The following DNAJC6 variants were observed in gnomAD, a reference collection of about 807,000 sequenced individuals.
DNAJC6 encodes auxilin.
DNAJC6 carries 34 observed loss-of-function variants against 110.0 expected under a neutral mutation model. The observed-to-expected ratio is 0.31, with a 90% CI of 0.24 to 0.41. The LOEUF is 0.41. DNAJC6 is among the 10% of genes least tolerant of loss of function. The pLI, the probability that DNAJC6 is intolerant of heterozygous loss-of-function variation, is 1.00. For missense variants in DNAJC6, 1,031 were observed against 1,207.8 expected, an observed-to-expected ratio of 0.85 and a Z score of 2.17; for synonymous variants, 406 against 437.2, an observed-to-expected ratio of 0.93 and a Z score of 0.89.
intron 4 of DNAJC6, among the ~76,000 whole-genome samples, chr1:65,367,149 GTCTCA>G (rs1484264856): frequency 6.6e-6 from 1 of 152,134 alleles, no homozygotes; most frequent in Non-Finnish European, 1.5e-5. Flanking sequence ...TCTGAGAACA[GTCTCA>G]AATTTTGGTG....
At position 65,328,205 on chromosome 1, in the gene DNAJC6, A is replaced by G. The variant is rs564050510; in HGVS notation, c.193+18267A>G. ...GGAACTATCAAAATATTACAAAACA[A>G]TATTTGGGTAGTAGATATCAGTAAT... On this transcript the variant is annotated intron_variant, in intron 1 of 18. Coordinates refer to ENST00000371069, the MANE Select transcript of DNAJC6 (RefSeq NM_001256864.2). Among the ~76,000 whole-genome samples, 14 of 152,300 alleles carry G rather than the reference A, an allele frequency of 9.2e-5. No individual in the cohort carries two copies. In the South Asian group the frequency reaches 2.9e-3, roughly 32 times the overall value.
intron 1 of DNAJC6, among the ~76,000 whole-genome samples, chr1:65,275,160 C>G (rs1653628196): frequency 6.6e-6 from 1 of 152,102 alleles, no homozygotes; most frequent in Admixed American, 6.5e-5. Context: ...CATATTTACC[C>G]TATTCATTGC....
intron 1 of DNAJC6, among the ~76,000 whole-genome samples, chr1:65,357,193 G>A (rs1645551953): frequency 6.6e-6 from 1 of 152,098 alleles, no homozygotes; most frequent in Non-Finnish European, 1.5e-5. Flanking sequence ...TAGAAGCCAG[G>A]ACAAGACATT....
chr1:65,336,999 T>TTTGTTG (rs372742654), intron 1 of DNAJC6, among the ~76,000 whole-genome samples: 4 of 151,750 alleles, frequency 2.6e-5, no homozygotes, highest in African/African-American at 4.8e-5. Context: ...CTGTGTAATT[T>TTTGTTG]TTGTTGTTGT....
intron 13 of DNAJC6, among the ~76,000 whole-genome samples, chr1:65,397,737 TG>T (rs1312069618): frequency 6.6e-6 from 1 of 152,174 alleles, no homozygotes; most frequent in African/African-American, 2.4e-5. Context: ...CTCAGTGGAA[TG>T]GGTTACTGTG....
chr1:65,315,654 C>G (rs1645142391), intron 1 of DNAJC6, among the ~76,000 whole-genome samples: 1 of 152,086 alleles, frequency 6.6e-6, no homozygotes, highest in Non-Finnish European at 1.5e-5. Flanking sequence ...AGGGATTATG[C>G]TAAACACTGC....
intron 4 of DNAJC6, among the ~76,000 whole-genome samples, chr1:65,369,266 C>G (rs1309204460): frequency 2.6e-5 from 4 of 152,124 alleles, no homozygotes; most frequent in Non-Finnish European, 4.4e-5. Context: ...GGAGGCAGTC[C>G]CAAAGCCGTA....
intron 1 of DNAJC6, among the ~76,000 whole-genome samples, chr1:65,273,325 G>A (rs904262851): frequency 1.3e-5 from 2 of 152,116 alleles, no homozygotes; most frequent in African/African-American, 2.4e-5. Context: ...CCGGCCAGGC[G>A]TGGTGGCTCA....
intron 5 of DNAJC6, 157 bp downstream of exon 5, chr1:65,379,681 G>A (rs1464652475): frequency 1.8e-6 from 2 of 1,111,882 alleles, no homozygotes; most frequent in African/African-American, 3.2e-5. Flanking sequence ...ATAAGAAAGG[G>A]ATTTATTATT....
chr1:65,279,735 T>C (rs1653785323), intron 1 of DNAJC6: 1 of 152,230 alleles, frequency 6.6e-6, no homozygotes, highest in African/African-American at 2.4e-5. Flanking sequence ...GTTCTGCTCC[T>C]CTTTCCAGTA....
At chr1:65,391,453 T>C (rs1645924644) in intron 11 of DNAJC6, among the ~76,000 whole-genome samples, 1 of 152,164 alleles carries the variant, frequency 6.6e-6, no homozygotes, top group Non-Finnish European at 1.5e-5. Flanking sequence ...TTCCTGCTGC[T>C]CATTTTGTGC....
At chr1:65,346,629 T>G (rs141451020) in intron 1 of DNAJC6, among the ~76,000 whole-genome samples, 58 of 152,136 alleles carry the variant, frequency 3.8e-4, no homozygotes, top group African/African-American at 1.4e-3. Flanking sequence ...TGCCCCACCC[T>G]TCCTCATCTG....
chr1:65,362,720 A>T (rs1231752497), intron 1 of DNAJC6, among the ~76,000 whole-genome samples: 1 of 152,116 alleles, frequency 6.6e-6, no homozygotes, highest in Admixed American at 6.5e-5. Context: ...CCCAGGTGAG[A>T]ATGACTCACG....
intron 4 of DNAJC6, among the ~76,000 whole-genome samples, chr1:65,371,976 G>A (rs1385836579): frequency 6.6e-6 from 1 of 152,036 alleles, no homozygotes. Context: ...CTAATTGTAT[G>A]TTTACTTAAT....
intron 1 of DNAJC6, among the ~76,000 whole-genome samples, chr1:65,269,922 G>A (rs1653452256): frequency 6.6e-6 from 1 of 152,144 alleles, no homozygotes; most frequent in Non-Finnish European, 1.5e-5. Context: ...TGATGAATTA[G>A]CTCATGTCCT....
intron 11 of DNAJC6, among the ~76,000 whole-genome samples, chr1:65,391,321 A>G (rs1645923558): frequency 6.6e-6 from 1 of 152,204 alleles, no homozygotes; most frequent in South Asian, 2.1e-4. Context: ...TTTGGAATAA[A>G]GGATGTGGAT....
chr1:65,386,256 C>T (rs1187339789), intron 7 of DNAJC6, among the ~76,000 whole-genome samples: 3 of 152,084 alleles, frequency 2.0e-5, no homozygotes, highest in Non-Finnish European at 4.4e-5. Context: ...TCTAAGTGAG[C>T]AACTAGGTAG....
intron 8 of DNAJC6, 36 bp downstream of exon 8, chr1:65,386,965 C>T (rs759089100): frequency 1.3e-6 from 2 of 1,525,108 alleles, no homozygotes; most frequent in Admixed American, 3.3e-5. Context: ...ATAAGTTCAT[C>T]TGAGTCTTCA....
At chr1:65,362,264 T>C (rs539920817) in intron 1 of DNAJC6, among the ~76,000 whole-genome samples, 1 of 145,904 alleles carries the variant, frequency 6.9e-6, no homozygotes, top group South Asian at 2.2e-4. Context: ...TTCATTGGGA[T>C]GCTATGAGGA....
Sources: allele counts gnomAD v4.1 joint callset (sites outside exome capture counted in the v4.1 genomes callset), GRCh38; gene constraint gnomAD v4.1.1; transcripts MANE v1.5; gene names NCBI Gene and HGNC (gene_info 2026-07-23, HGNC 2026-07-21).